AK9: variants seen among roughly 807,000 people sequenced by gnomAD.
The protein encoded by AK9 is adenylate kinase 9.
AK9 carries 191 observed loss-of-function variants against 239.6 expected under a neutral mutation model. The observed-to-expected ratio is 0.80, with a 90% CI of 0.71 to 0.90. The LOEUF (loss-of-function observed/expected upper bound fraction) is 0.90, where lower values mean the gene tolerates loss of function less well. AK9 is among the 40% of genes least tolerant of loss of function. The pLI, the probability that AK9 is intolerant of heterozygous loss-of-function variation, is 0.00. For missense variants in AK9, 1,995 were observed against 2,214.7 expected, an observed-to-expected ratio of 0.90 and a Z score of 1.99; for synonymous variants, 689 against 721.0, an observed-to-expected ratio of 0.96 and a Z score of 0.71.
intron 13 of AK9, among the ~76,000 whole-genome samples, chr6:109,616,961 T>G (rs1218761954): frequency 6.6e-6 from 1 of 152,166 alleles, no homozygotes; most frequent in Non-Finnish European, 1.5e-5. Flanking sequence ...ATAAACTAGA[T>G]AGTTATAAAT....
intron 29 of AK9, chr6:109,528,607 CTGCAGT>C (rs148271752): frequency 2.6e-5 from 12 of 458,894 alleles, no homozygotes; most frequent in Admixed American, 9.4e-5. Context: ...TGCTTTGTGC[CTGCAGT>C]TGCAGTTGCA....
chr6:109,640,438 C>T (rs982007607), intron 10 of AK9, among the ~76,000 whole-genome samples: 3 of 152,146 alleles, frequency 2.0e-5, no homozygotes, highest in Admixed American at 1.3e-4. Context: ...ATGGGCTGCA[C>T]CCACTGTCTA....
In AK9 at chr6:109,644,673, G is replaced by A. The variant is rs374549389; in HGVS notation, c.775C>T (p.His259Tyr). Reference protein sequence around the residue: ...LQTLEEVMAEHNPQYLIELNG... With the variant: ...LQTLEEVMAEYNPQYLIELNG... ...AGCTCAATGAGATACTGGGGATTGT[G>A]TTCAGCCATTACTTCCTGCAGATAA... The change falls in exon 9 of 41, where the codon CAC becomes TAC. Residue 259 changes from histidine (H) to tyrosine (Y), a missense_variant. Coordinates refer to ENST00000424296, the MANE Select transcript of AK9 (RefSeq NM_001145128.3). 1.2e-6 allele frequency: 2 copies of A among 1,612,012 alleles called. No homozygotes were observed. The highest frequency in any genetic ancestry group is 8.5e-7 in the Non-Finnish European group (1 of 1,179,638).
At chr6:109,591,004 TA>T (rs1790159989) in intron 17 of AK9, among the ~76,000 whole-genome samples, 1 of 152,236 alleles carries the variant, frequency 6.6e-6, no homozygotes, top group Non-Finnish European at 1.5e-5. Flanking sequence ...AGGTGTATGG[TA>T]GAATGTTCTG....
chr6:109,626,796 T>C (rs1377147449), intron 12 of AK9, among the ~76,000 whole-genome samples: 3 of 152,178 alleles, frequency 2.0e-5, no homozygotes, highest in Non-Finnish European at 4.4e-5. Flanking sequence ...TATAGGGAAC[T>C]TACCATGAAT....
chr6:109,667,086 C>T (rs1384836311), intron 5 of AK9, among the ~76,000 whole-genome samples: 1 of 152,112 alleles, frequency 6.6e-6, no homozygotes, highest in African/African-American at 2.4e-5. Flanking sequence ...GCCAAAACAA[C>T]ACAATAGATT....
At position 109,620,038 on chromosome 6, in the gene AK9, T is replaced by G. The variant is rs532323374; in HGVS notation, c.1255-802A>C. On this transcript the variant is annotated intron_variant, in intron 12 of 40. Transcript: ENST00000424296. Reference sequence around the variant, plus strand: ...ATTTCATTGTATGAATATACTACAGTTTTTTATTCATTTATCTATTGATAG... The same window carrying G: ...ATTTCATTGTATGAATATACTACAGGTTTTTATTCATTTATCTATTGATAG... Among the ~76,000 whole-genome samples the G allele has an allele frequency of 1.1e-4, 17 of 152,202 alleles. No individual in the cohort carries two copies. The South Asian group carries it at 2.9e-3, about 26-fold the overall frequency.
chr6:109,662,592 T>C lies in AK9; in HGVS notation c.403A>G (p.Lys135Glu). Residue 135 changes from lysine to glutamate, a missense_variant, in exon 6 of 41, where the codon AAA becomes GAA. Physicochemically the swap from Lys to Glu is moderately conservative, Grantham distance 56. Transcript: ENST00000424296. The stretch of plus-strand genomic sequence containing the variant: ...ACATCAGGTTTCAGGTTTAAGTTTT[T>C]AATTAATTCTATTTGCTGTAAGGTA... ...MTTLQQIELI[K>E]NLNLKPDVII... The C allele has an allele frequency of 6.3e-7, 1 of 1,587,988 alleles. No individual in the cohort carries two copies. The highest frequency in any genetic ancestry group is 8.6e-7 in the Non-Finnish European group (1 of 1,166,506).
intron 3 of AK9, 152 bp downstream of exon 3, chr6:109,674,046 G>A (rs1450543454): frequency 7.1e-6 from 3 of 424,772 alleles, no homozygotes; most frequent in African/African-American, 2.1e-5. Flanking sequence ...GGGTTGATAG[G>A]TGGACAAATG....
At chr6:109,551,649 C>G (rs1784372956) in intron 24 of AK9, among the ~76,000 whole-genome samples, 1 of 151,974 alleles carries the variant, frequency 6.6e-6, no homozygotes, top group Admixed American at 6.6e-5. Context: ...AAAGCCTCCC[C>G]CACCTATTAT....
chr6:109,684,054 T>A (rs1773080372), intron 1 of AK9, among the ~76,000 whole-genome samples: 1 of 152,148 alleles, frequency 6.6e-6, no homozygotes, highest in Non-Finnish European at 1.5e-5. Context: ...AACAGATACA[T>A]AGACCAATGG....
intron 29 of AK9, among the ~76,000 whole-genome samples, chr6:109,517,081 C>T (rs142513709): frequency 6.6e-6 from 1 of 152,196 alleles, no homozygotes; most frequent in Non-Finnish European, 1.5e-5. Flanking sequence ...TAGCAGTGTG[C>T]TCAATGTGGA....
rs939289741 is a variant in AK9 at position 109,610,019 on chromosome 6, A to C, written c.1842+346T>G. Among the ~76,000 whole-genome samples, 8 of 152,304 alleles carry C rather than the reference A, an allele frequency of 5.3e-5. No homozygotes were observed. The East Asian group carries it at 1.5e-3, about 29-fold the overall frequency. Reference sequence around the variant, plus strand: ...CAAAATTTGTCTTGGCTTATAACTAATTAGTTCATAGATGAAACATATAAC... The same window carrying C: ...CAAAATTTGTCTTGGCTTATAACTACTTAGTTCATAGATGAAACATATAAC... On this transcript the variant is annotated intron_variant, in intron 17 of 40. Transcript: ENST00000424296.
intron 16 of AK9, among the ~76,000 whole-genome samples, chr6:109,611,621 T>C (rs1292679671): frequency 6.6e-6 from 1 of 152,204 alleles, no homozygotes; most frequent in Non-Finnish European, 1.5e-5. Context: ...CTTGGCTGAC[T>C]CAGCTAAGTG....
chr6:109,570,210 C>A (rs1787219340), intron 21 of AK9, among the ~76,000 whole-genome samples: 1 of 151,490 alleles, frequency 6.6e-6, no homozygotes, highest in African/African-American at 2.4e-5. Context: ...TGTTTTCACT[C>A]ATAGGTGGAA....
intron 17 of AK9, among the ~76,000 whole-genome samples, chr6:109,596,220 G>A (rs542519156): frequency 6.6e-6 from 1 of 152,286 alleles, no homozygotes; most frequent in South Asian, 2.1e-4. Context: ...AGTGGTCTCA[G>A]TTTCCTGCTC....
At position 109,522,363 on chromosome 6, in the gene AK9, T is replaced by C. The variant is rs12665470; in HGVS notation, c.3634-5721A>G. 4.4e-3 allele frequency among the ~76,000 whole-genome samples: 675 copies of C among 152,130 alleles called. 31 individuals carry two copies. The East Asian group carries it at 0.097, about 22-fold the overall frequency. On this transcript the variant is annotated intron_variant, in intron 29 of 40. Coordinates refer to ENST00000424296, the MANE Select transcript of AK9 (RefSeq NM_001145128.3). Reference sequence around the variant, plus strand: ...TTTTCTTCTAACATTTCTTAGAATATTTCCTTCTTTATTTTCTGTTTCCAT... The same window carrying C: ...TTTTCTTCTAACATTTCTTAGAATACTTCCTTCTTTATTTTCTGTTTCCAT...
Position 109,506,446 on chromosome 6 carries a change from T to C in AK9, c.4730A>G (p.His1577Arg). 1.2e-6 allele frequency: 2 copies of C among 1,613,852 alleles called. No homozygotes were observed. Among genetic ancestry groups the C allele is most frequent in the Non-Finnish European group, 1.7e-6 (2 of 1,179,920 alleles). The stretch of plus-strand genomic sequence containing the variant: ...TCCATCAATCACATACCAGTTCTGA[T>C]GCTGTTCTTGATAATATTGCCTAAT... ...GEIRQYYQEQHQNWYVIDGFH... is the reference protein window; with the variant it reads ...GEIRQYYQEQRQNWYVIDGFH... Residue 1577 changes from histidine (H) to arginine (R), a missense_variant, in exon 35 of 41, where the codon CAT (histidine) becomes CGT (arginine). By Grantham distance (29) the His-to-Arg change is conservative (BLOSUM62 0). Transcript: ENST00000424296.
chr6:109,564,945 T>C, intron 21 of AK9, 100 bp from the exon 22 acceptor site: 2 of 885,808 alleles, frequency 2.3e-6, no homozygotes, highest in South Asian at 2.2e-5. Flanking sequence ...GCTTAAATTG[T>C]ATATGAAATG....
Sources: gnomAD v4.1 joint callset for allele counts (sites outside exome capture counted in the v4.1 genomes callset) on GRCh38, gnomAD v4.1.1 for gene constraint, MANE v1.5 for transcripts, NCBI Gene and HGNC (gene_info 2026-07-23, HGNC 2026-07-21) for gene names.